DPF3: variants seen among roughly 807,000 people sequenced by gnomAD.
DPF3 encodes zinc finger protein DPF3.
DPF3 carries 18 observed loss-of-function variants against 56.8 expected under a neutral mutation model. The observed-to-expected ratio is 0.32, with a 90% CI of 0.22 to 0.47. The LOEUF (loss-of-function observed/expected upper bound fraction) is 0.47. Among genes scored for constraint, DPF3 ranks in the 20% least tolerant of loss-of-function variants. The pLI, the probability that DPF3 is intolerant of heterozygous loss-of-function variation, is 1.00. For synonymous variants in DPF3, 188 were observed against 180.2 expected, an observed-to-expected ratio of 1.04 and a Z score of -0.35; for missense variants, 403 against 488.8, an observed-to-expected ratio of 0.82 and a Z score of 1.65.
At chr14:72,818,873 G>A (rs1051469565) in intron 1 of DPF3, among the ~76,000 whole-genome samples, 2 of 151,784 alleles carry the variant, frequency 1.3e-5, no homozygotes, top group Non-Finnish European at 2.9e-5. Context: ...TGGGAGAAAT[G>A]ATTCATAGTA....
chr14:72,855,376 G>A (rs560877614), intron 1 of DPF3, among the ~76,000 whole-genome samples: 5 of 151,052 alleles, frequency 3.3e-5, no homozygotes, highest in Non-Finnish European at 1.5e-5. Context: ...CTGTATTCCT[G>A]GAGAGATAGT....
intron 2 of DPF3, among the ~76,000 whole-genome samples, chr14:72,769,456 C>T (rs910064115): frequency 3.3e-5 from 5 of 152,050 alleles, no homozygotes; most frequent in African/African-American, 7.2e-5. Context: ...CCGAGGCAGG[C>T]GGATCATGAG....
intron 8 of DPF3, among the ~76,000 whole-genome samples, chr14:72,648,374 C>G (rs1885786369): frequency 1.3e-5 from 2 of 152,190 alleles, no homozygotes; most frequent in South Asian, 4.2e-4. Flanking sequence ...CCAGCTTGGC[C>G]AACATGGTGA....
intron 1 of DPF3, among the ~76,000 whole-genome samples, chr14:72,837,751 A>G (rs185584297): frequency 3.1e-4 from 47 of 152,282 alleles, no homozygotes; most frequent in African/African-American, 4.8e-5. Flanking sequence ...AAAATAAAAA[A>G]AGAAAAGAAA....
At chr14:72,866,484 C>T (rs866939335) in intron 1 of DPF3, among the ~76,000 whole-genome samples, 1 of 150,730 alleles carries the variant, frequency 6.6e-6, no homozygotes, top group Non-Finnish European at 1.5e-5. Context: ...GGCTCAGGTA[C>T]CCGCCTCTGC....
At chr14:72,824,698 A>C (rs2140040428) in intron 1 of DPF3, among the ~76,000 whole-genome samples, 1 of 151,690 alleles carries the variant, frequency 6.6e-6, no homozygotes, top group Non-Finnish European at 1.5e-5. Context: ...CAGTCTCCCA[A>C]GTGGCTGGGA....
At chr14:72,768,945 G>A (rs1869318397) in intron 2 of DPF3, among the ~76,000 whole-genome samples, 2 of 149,844 alleles carry the variant, frequency 1.3e-5, no homozygotes, top group East Asian at 1.9e-4. Flanking sequence ...GTGTGTGTGT[G>A]TGTGTGTGTG....
rs149718120 is a variant in DPF3 at position 72,812,084 on chromosome 14, G to C, written c.33-40191C>G. 4.5e-4 allele frequency among the ~76,000 whole-genome samples: 69 copies of C among 152,226 alleles called. 1 individual carries two copies. The highest frequency in any genetic ancestry group is 1.5e-3 in the African/African-American group (62 of 41,542). On this transcript the variant is annotated intron_variant, in intron 1 of 10. Coordinates refer to ENST00000556509, the MANE Select transcript of DPF3 (RefSeq NM_001280542.3). Reference sequence around the variant, plus strand: ...AAGATCTGCCCCAAGTGAGCTCCAGGAGGCAAGGAGGGAGGCCAGCCATGT... The same window carrying C: ...AAGATCTGCCCCAAGTGAGCTCCAGCAGGCAAGGAGGGAGGCCAGCCATGT...
At chr14:72,752,436 G>T (rs913834155) in intron 3 of DPF3, among the ~76,000 whole-genome samples, 19 of 152,206 alleles carry the variant, frequency 1.2e-4, no homozygotes, top group African/African-American at 3.9e-4. Context: ...GCCAAGGCAG[G>T]CAGATCGCTT....
intron 9 of DPF3, among the ~76,000 whole-genome samples, chr14:72,627,111 T>C (rs965285663): frequency 4.6e-5 from 7 of 152,082 alleles, no homozygotes; most frequent in African/African-American, 7.2e-5. Flanking sequence ...AGTTTGTCAG[T>C]TGTCTTTTGA....
chr14:72,712,960 A>T (rs1888719767), intron 6 of DPF3, among the ~76,000 whole-genome samples: 1 of 152,268 alleles, frequency 6.6e-6, no homozygotes, highest in Admixed American at 6.5e-5. Flanking sequence ...TTCTTGATAG[A>T]TGTGCTGGTC....
chr14:72,822,500 A>G (rs1013427645), intron 1 of DPF3, among the ~76,000 whole-genome samples: 4 of 152,220 alleles, frequency 2.6e-5, no homozygotes, highest in African/African-American at 9.6e-5. Flanking sequence ...AGGACACATA[A>G]ATATTTATGT....
At chr14:72,757,516 G>A (rs937437156) in intron 2 of DPF3, among the ~76,000 whole-genome samples, 1 of 151,974 alleles carries the variant, frequency 6.6e-6, no homozygotes, top group Admixed American at 6.6e-5. Context: ...CCAAGAAGCC[G>A]AGGAACTAAA....
chr14:72,776,053 G>A (rs1317666972), intron 1 of DPF3, among the ~76,000 whole-genome samples: 6 of 151,864 alleles, frequency 4.0e-5, no homozygotes, highest in South Asian at 2.1e-4. Flanking sequence ...AGTTGAAGGC[G>A]TCAGATGGAG....
At chr14:72,740,147 C>A (rs1673529199) in intron 3 of DPF3, among the ~76,000 whole-genome samples, 1 of 152,242 alleles carries the variant, frequency 6.6e-6, no homozygotes, top group Non-Finnish European at 1.5e-5. Context: ...GAAGCCGGCC[C>A]ATCTGCCTGG....
At chr14:72,740,537 G>A (rs1890081251) in intron 3 of DPF3, among the ~76,000 whole-genome samples, 4 of 152,174 alleles carry the variant, frequency 2.6e-5, no homozygotes, top group Admixed American at 2.6e-4. Flanking sequence ...CTGAGCAGGG[G>A]GCTTCCCCAC....
intron 6 of DPF3, among the ~76,000 whole-genome samples, chr14:72,714,160 G>T (rs1888786593): frequency 6.6e-6 from 1 of 152,250 alleles, no homozygotes; most frequent in Admixed American, 6.5e-5. Flanking sequence ...CACACAGGAG[G>T]CATGGCAGGA....
chr14:72,867,492 C>A (rs147650652), intron 1 of DPF3, among the ~76,000 whole-genome samples: 118 of 152,280 alleles, frequency 7.7e-4, no homozygotes, highest in African/African-American at 2.7e-3. Context: ...TCAAAAGAAC[C>A]TTCTCCCTCT....
intron 2 of DPF3, among the ~76,000 whole-genome samples, chr14:72,762,401 T>C (rs1891105168): frequency 6.6e-6 from 1 of 151,902 alleles, no homozygotes; most frequent in African/African-American, 2.4e-5. Context: ...TCAATCAATG[T>C]AACTCATTAT....
Sources: allele counts gnomAD v4.1 joint callset (sites outside exome capture counted in the v4.1 genomes callset), GRCh38; gene constraint gnomAD v4.1.1; transcripts MANE v1.5; gene names NCBI Gene and HGNC (gene_info 2026-07-23, HGNC 2026-07-21).